Variants in GJA4 observed in about 807,000 individuals in gnomAD.
GJA4 encodes the protein gap junction protein alpha 4, also known as gap junction alpha-4 protein.
In GJA4, 13 loss-of-function variants were observed where a neutral mutation model predicts 25.1. The observed-to-expected ratio is 0.52, with a 90% CI of 0.34 to 0.82. The LOEUF (loss-of-function observed/expected upper bound fraction) is 0.82, where lower values mean the gene tolerates loss of function less well. GJA4 is among the 40% of genes least tolerant of loss of function. GJA4 has a pLI of 0.02. For synonymous variants in GJA4, 167 were observed against 193.9 expected (o/e 0.86, Z 1.15); for missense variants, 357 against 443.5 (o/e 0.80, Z 1.75).
intron 1 of GJA4, among the ~76,000 whole-genome samples, chr1:34,793,925 C>T (rs769201910): frequency 2.6e-5 from 4 of 152,098 alleles, no homozygotes; most frequent in South Asian, 2.1e-4. Context: ...GGCAGTGGCT[C>T]GGGGACAAGA....
intron 1 of GJA4, among the ~76,000 whole-genome samples, chr1:34,793,628 C>G (rs1464479869): frequency 1.3e-5 from 2 of 152,208 alleles, no homozygotes; most frequent in East Asian, 1.9e-4. Context: ...GCTCCTAAAA[C>G]CCCTTCCACT....
chr1:34,793,778 G>C (rs1173518235), intron 1 of GJA4, among the ~76,000 whole-genome samples: 1 of 152,182 alleles, frequency 6.6e-6, no homozygotes, highest in African/African-American at 2.4e-5. Flanking sequence ...CCACTGTCTG[G>C]GGGTAGCCAG....
chr1:34,794,215 TG>T lies in GJA4; in HGVS notation c.5del (p.Gly2?). On this transcript the variant is annotated frameshift_variant and start_lost, in exon 2 of 2. Transcript: ENST00000342280. LOFTEE classifies it high-confidence loss of function. This position sits in a 1 kb window ranked among gnomAD's most constrained non-coding sequence, Gnocchi z 7.8. ...CTTGCAGACGGAGGCCCGGGAGCCA[TG>T]GGTGACTGGGGCTTCCTGGAGAAGT... [M>X]GDWGFLEKLL... 3.1e-6 allele frequency: 5 copies of T among 1,613,656 alleles called. No homozygotes were observed. Among genetic ancestry groups the T allele is most frequent in the Non-Finnish European group, 4.2e-6 (5 of 1,179,686 alleles).
intron 1 of GJA4, among the ~76,000 whole-genome samples, chr1:34,793,715 C>A (rs1425122584): frequency 5.3e-5 from 8 of 152,274 alleles, no homozygotes; most frequent in African/African-American, 1.9e-4. Context: ...GGACCTGAGG[C>A]TTTGAGCCCC....
chr1:34,793,694 G>A (rs1230495446), intron 1 of GJA4, among the ~76,000 whole-genome samples: 1 of 152,158 alleles, frequency 6.6e-6, no homozygotes, highest in East Asian at 1.9e-4. Flanking sequence ...AAGATATGAG[G>A]CGGGGAGCAG....
At position 34,795,352 on chromosome 1, in the gene GJA4, T is replaced by C. The variant is rs564586258; in HGVS notation, c.*137T>C. 3.0e-4 allele frequency: 186 copies of C among 629,104 alleles called. No homozygotes were observed. Among genetic ancestry groups the C allele is most frequent in the African/African-American group, 3.7e-4 (20 of 54,790 alleles). 39.0% of individuals were successfully genotyped at this position (629,104 alleles called of 1,614,324 possible). On this transcript the variant is annotated 3_prime_UTR_variant, in exon 2 of 2. Coordinates refer to ENST00000342280, the MANE Select transcript of GJA4 (RefSeq NM_002060.3). ...GGTGCTTGCTGGCCATGGAGCCTCA[T>C]TGCAAGTTGTTCTTGAACACCTGAG...
rs1300184115 is a variant in GJA4 at position 34,794,928 on chromosome 1, G to A, written c.715G>A (p.Gly239Arg). 1.9e-6 allele frequency: 3 copies of A among 1,614,152 alleles called. No individual in the cohort carries two copies. Among genetic ancestry groups the A allele is most frequent in the Admixed American group, 3.3e-5 (2 of 60,026 alleles). ...CCTGCTGTGTCGCTGCCTCAGCCGG[G>A]GGATGAGGGCACGGCAAGGCCAAGA... ...VHLLCRCLSRGMRARQGQDAP... is the reference protein window; with the variant it reads ...VHLLCRCLSRRMRARQGQDAP... The change falls in exon 2 of 2, where the codon GGG becomes AGG. Residue 239 changes from glycine (G) to arginine (R), a missense_variant. Physicochemically the swap from Gly to Arg is moderately radical, Grantham distance 125. Transcript: ENST00000342280. The surrounding 1 kb of genome is among the most constrained non-coding windows in gnomAD (Gnocchi z 7.8).
rs760644912 is a variant in GJA4, at chr1:34,794,173, C to T, written c.-17-24C>T. The stretch of plus-strand genomic sequence containing the variant: ...ACGAGAAGGATGCCATGCTGACACA[C>T]TGACGTGCTCTGTCTCCTTGCAGAC... On this transcript the variant is annotated intron_variant, in intron 1 of 1. Coordinates refer to ENST00000342280, the MANE Select transcript of GJA4 (RefSeq NM_002060.3). This position sits in a 1 kb window ranked among gnomAD's most constrained non-coding sequence, Gnocchi z 7.8. 12 of 1,584,524 alleles carry T rather than the reference C, an allele frequency of 7.6e-6. No individual in the cohort carries two copies. The highest frequency in any genetic ancestry group is 1.0e-5 in the Non-Finnish European group (12 of 1,160,884).
At position 34,794,611 on chromosome 1, in the gene GJA4, A is replaced by C; in HGVS notation, c.398A>C (p.Gln133Pro). The change falls in exon 2 of 2, where the codon CAG becomes CCG. Residue 133 changes from glutamine to proline, a missense_variant. This residue lies in a region of GJA4 where 278 missense variants were observed against 298.1 expected (regional missense o/e 0.93). Transcript: ENST00000342280. The surrounding 1 kb of genome is among the most constrained non-coding windows in gnomAD (Gnocchi z 7.8). ...CGGGCGCTGGCGGCCGTAGAGCGTC[A>C]GATGGCCAAGATCTCGGTGGCAGAA... ...VERALAAVER[Q>P]MAKISVAEDG... The C allele has an allele frequency of 6.2e-7, 1 of 1,605,448 alleles. No homozygotes were observed. The highest frequency in any genetic ancestry group is 8.5e-7 in the Non-Finnish European group (1 of 1,179,860).
rs1188013544 is a variant in GJA4, at chr1:34,794,905, T to C, written c.692T>C (p.Leu231Pro). 2.5e-6 allele frequency: 4 copies of C among 1,614,042 alleles called. No individual in the cohort carries two copies. The African/African-American group carries it at 5.3e-5, about 22-fold the overall frequency. ...LVLNLLELVH[L>P]LCRCLSRGMR... The stretch of plus-strand genomic sequence containing the variant: ...CTTAACCTGCTGGAGTTGGTGCACC[T>C]GCTGTGTCGCTGCCTCAGCCGGGGG... The change falls in exon 2 of 2, where the codon CTG (leucine) becomes CCG (proline). Residue 231 changes from leucine to proline, a missense_variant. This residue lies in a region of GJA4 where 278 missense variants were observed against 298.1 expected (regional missense o/e 0.93). Transcript: ENST00000342280. The surrounding 1 kb of genome is among the most constrained non-coding windows in gnomAD (Gnocchi z 7.8).
In GJA4 at chr1:34,794,560, T is replaced by G. The variant is rs530865940; in HGVS notation, c.347T>G (p.Leu116Arg). 24 of 1,609,860 alleles carry G rather than the reference T, an allele frequency of 1.5e-5. No individual in the cohort carries two copies. Among genetic ancestry groups the G allele is most frequent in the South Asian group, 9.9e-5 (9 of 91,058 alleles). ...LRQKEGELRA[L>R]PAKDPQVERA... ...CAGAAGGAGGGGGAGCTGCGGGCAC[T>G]GCCGGCCAAGGACCCACAGGTGGAG... The change falls in exon 2 of 2, where the codon CTG (leucine) becomes CGG (arginine). Residue 116 changes from leucine (L) to arginine (R), a missense_variant. By Grantham distance (102) the Leu-to-Arg change is moderately radical (BLOSUM62 -2). Coordinates refer to ENST00000342280, the MANE Select transcript of GJA4 (RefSeq NM_002060.3). The surrounding 1 kb of genome is among the most constrained non-coding windows in gnomAD (Gnocchi z 7.8).
rs1479689764 is a variant in GJA4, at chr1:34,795,526, A to C, written c.*311A>C. On this transcript the variant is annotated 3_prime_UTR_variant, in exon 2 of 2. Coordinates refer to ENST00000342280, the MANE Select transcript of GJA4 (RefSeq NM_002060.3). ...GCTGATCCAGAGGAACCCAGAGCCA[A>C]CTTACCCCAACCTCACCCTATGGAA... 3.1e-6 allele frequency: 1 copy of C among 325,016 alleles called. No individual in the cohort carries two copies. The highest frequency in any genetic ancestry group is 4.6e-5 in the Admixed American group (1 of 21,626). The allele number at this position is 325,016 out of a possible 1,614,324, so 20.1% of individuals were successfully genotyped here.
Position 34,794,636 on chromosome 1 carries a change from A to G in GJA4, c.423A>G (p.Glu141=), listed in dbSNP as rs753916023. ...AGATGGCCAAGATCTCGGTGGCAGA[A>G]GATGGTCGCCTGCGCATCCGCGGAG... ...ERQMAKISVA[E]DGRLRIRGAL... is the part of the protein sequence containing the mutation. Residue 141 remains glutamate (E), a synonymous_variant, in exon 2 of 2, where the codon GAA becomes GAG. Transcript: ENST00000342280. This position sits in a 1 kb window ranked among gnomAD's most constrained non-coding sequence, Gnocchi z 7.8. 1 of 1,603,974 alleles carries G rather than the reference A, an allele frequency of 6.2e-7. No individual in the cohort carries two copies. The highest frequency in any genetic ancestry group is 1.1e-5 in the South Asian group (1 of 90,908).
At chr1:34,793,332 C>T (rs1347993874) in intron 1 of GJA4, among the ~76,000 whole-genome samples, 1 of 152,206 alleles carries the variant, frequency 6.6e-6, no homozygotes, top group Non-Finnish European at 1.5e-5. Flanking sequence ...TCCAAGGGGC[C>T]GCAGTTACTA....
rs3841825 is a variant in GJA4, at chr1:34,795,443, CAG to C, written c.*231_*232del. ...GAATGTGGCTTTGCCTGAGCACAGA[CAG>C]AGTCAGCATGGAATGCTCTTGGCCA... is the stretch of plus-strand genomic sequence containing the variant. On this transcript the variant is annotated 3_prime_UTR_variant, in exon 2 of 2. Transcript: ENST00000342280. 164,682 of 525,040 alleles carry C rather than the reference CAG, an allele frequency of 0.31. 26,577 individuals are homozygous for C. Among genetic ancestry groups the C allele is most frequent in the Middle Eastern group, 0.34 (684 of 1,992 alleles). The allele number at this position is 525,040 out of a possible 1,614,324, so 32.5% of individuals were successfully genotyped here. A position where few individuals can be genotyped will look rare whatever the true frequency, so the allele number is the denominator to read the frequency against.
Position 34,794,402 on chromosome 1 carries a change from C to A in GJA4, c.189C>A (p.Asn63Lys). 6.2e-7 allele frequency: 1 copy of A among 1,614,230 alleles called. No individual in the cohort carries two copies. Among genetic ancestry groups the A allele is most frequent in the Non-Finnish European group, 8.5e-7 (1 of 1,180,032 alleles). Reference protein sequence around the residue: ...ECNTAQPGCTNVCYDQAFPIS... With the variant: ...ECNTAQPGCTKVCYDQAFPIS... ...ACACGGCCCAGCCAGGCTGCACCAA[C>A]GTCTGCTATGACCAGGCCTTCCCCA... The change falls in exon 2 of 2, where the codon AAC (asparagine) becomes AAA (lysine). Residue 63 changes from asparagine (N) to lysine (K), a missense_variant. Coordinates refer to ENST00000342280, the MANE Select transcript of GJA4 (RefSeq NM_002060.3). The surrounding 1 kb of genome is among the most constrained non-coding windows in gnomAD (Gnocchi z 7.8).
intron 1 of GJA4, 108 bp downstream of exon 1, chr1:34,793,176 C>G (rs1215141753): frequency 4.0e-6 from 1 of 251,898 alleles, no homozygotes; most frequent in Non-Finnish European, 7.8e-6. Context: ...GAACGCCCGC[C>G]GCGACAGAGC....
chr1:34,794,300 C>T lies in GJA4; in HGVS notation c.87C>T (p.Leu29=), dbSNP rs766714906. 1 of 1,614,208 alleles carries T rather than the reference C, an allele frequency of 6.2e-7. No homozygotes were observed. Among genetic ancestry groups the T allele is most frequent in the Non-Finnish European group, 8.5e-7 (1 of 1,180,028 alleles). ...TVVGKIWLTV[L]FIFRILILGL... ...TGGGTAAGATCTGGCTGACGGTGCT[C>T]TTCATCTTCCGCATCCTCATCCTGG... is the stretch of plus-strand genomic sequence containing the variant. Residue 29 remains leucine (L), a synonymous_variant, in exon 2 of 2, where the codon CTC becomes CTT. Transcript: ENST00000342280. The surrounding 1 kb of genome is among the most constrained non-coding windows in gnomAD (Gnocchi z 7.8).
At position 34,794,930 on chromosome 1, in the gene GJA4, G is replaced by A. The variant is rs1400319085; in HGVS notation, c.717G>A (p.Gly239=). ...TGCTGTGTCGCTGCCTCAGCCGGGG[G>A]ATGAGGGCACGGCAAGGCCAAGACG... ...VHLLCRCLSR[G]MRARQGQDAP... Residue 239 remains glycine (G), a synonymous_variant, in exon 2 of 2, where the codon GGG becomes GGA. Transcript: ENST00000342280. The surrounding 1 kb of genome is among the most constrained non-coding windows in gnomAD (Gnocchi z 7.8). 2 of 1,614,054 alleles carry A rather than the reference G, an allele frequency of 1.2e-6. No individual in the cohort carries two copies. The highest frequency in any genetic ancestry group is 1.3e-5 in the African/African-American group (1 of 74,930).
Sources: allele counts gnomAD v4.1 joint callset (sites outside exome capture counted in the v4.1 genomes callset), GRCh38; gene constraint gnomAD v4.1.1; regional missense constraint gnomAD v4.1.1; non-coding constraint Gnocchi (gnomAD v3.1); transcripts MANE v1.5; gene names NCBI Gene and HGNC (gene_info 2026-07-23, HGNC 2026-07-21).